Variants in LRRC3B observed in about 807,000 individuals in gnomAD.
The protein encoded by LRRC3B is leucine rich repeat containing 3B.
In LRRC3B, 2 loss-of-function variants were observed where a neutral mutation model predicts 12.8. The ratio of observed to expected loss-of-function variants is 0.16; its 90% CI spans 0.06 to 0.49. The LOEUF is 0.49. Among genes scored for constraint, LRRC3B ranks in the 20% least tolerant of loss-of-function variants. The probability of loss-of-function intolerance (pLI) is 0.96; values close to 1 mark genes in which losing one functional copy is unlikely to be tolerated. For synonymous variants in LRRC3B, 132 were observed against 122.0 expected (o/e 1.08, Z -0.54); for missense variants, 189 against 319.4 (o/e 0.59, Z 3.11).
chr3:26,681,669 G>A (rs769906634), intron 1 of LRRC3B, among the ~76,000 whole-genome samples: 8 of 152,160 alleles, frequency 5.3e-5, no homozygotes, highest in Non-Finnish European at 1.0e-4. Context: ...CCGAATAAAT[G>A]TCAGCCACTA....
At position 26,671,360 on chromosome 3, in the gene LRRC3B, A is replaced by ATATATATATATATG. The variant is rs1699730727; in HGVS notation, c.-160-38140_-160-38139insGTATATATATATAT. 6.1e-5 allele frequency among the ~76,000 whole-genome samples: 4 copies of ATATATATATATATG among 66,064 alleles called. 1 individual carries two copies. The highest frequency in any genetic ancestry group is 3.9e-4 in the African/African-American group (4 of 10,214). The allele number at this position is 66,064 out of a possible 152,430, so 43.3% of individuals were successfully genotyped here. A position where few individuals can be genotyped will look rare whatever the true frequency, so the allele number is the denominator to read the frequency against. On this transcript the variant is annotated intron_variant, in intron 1 of 1. Transcript: ENST00000396641. ...TGTGTATATATGTGTGTATATATAT[A>ATATATATATATATG]TATATATATATATAGAGAGAGAGAG...
chr3:26,668,664 GC>G (rs1699658045), intron 1 of LRRC3B, among the ~76,000 whole-genome samples: 1 of 151,994 alleles, frequency 6.6e-6, no homozygotes, highest in Admixed American at 6.6e-5. Context: ...TTTTTGCTTT[GC>G]TTTTTTGTTG....
At chr3:26,710,603 C>A in exon 2 of LRRC3B, 2 of 746,804 alleles carry the variant, frequency 2.7e-6, no homozygotes, top group Admixed American at 3.2e-5. Context: ...TTAACAAACA[C>A]TACAACATAA....
chr3:26,670,869 A>G (rs925374048), intron 1 of LRRC3B, among the ~76,000 whole-genome samples: 2 of 152,166 alleles, frequency 1.3e-5, no homozygotes, highest in African/African-American at 2.4e-5. Flanking sequence ...TAATGGTTTT[A>G]TTATCATATA....
intron 1 of LRRC3B, among the ~76,000 whole-genome samples, chr3:26,699,372 G>A (rs952844959): frequency 1.3e-5 from 2 of 152,076 alleles, no homozygotes; most frequent in Non-Finnish European, 2.9e-5. Flanking sequence ...AGACCAATGA[G>A]GTGGATATTA....
At chr3:26,637,386 C>A (rs987259755) in intron 1 of LRRC3B, among the ~76,000 whole-genome samples, 28 of 152,262 alleles carry the variant, frequency 1.8e-4, no homozygotes, top group African/African-American at 6.0e-4. Context: ...ACCTCAAATT[C>A]ACCGTCAACT....
At chr3:26,707,471 G>A (rs557890841) in intron 1 of LRRC3B, among the ~76,000 whole-genome samples, 2 of 152,086 alleles carry the variant, frequency 1.3e-5, no homozygotes, top group African/African-American at 4.8e-5. Context: ...GCAGAAACAA[G>A]CCTCTGCTGT....
chr3:26,694,784 T>G (rs1700268282), intron 1 of LRRC3B: 1 of 152,198 alleles, frequency 6.6e-6, no homozygotes, highest in Non-Finnish European at 1.5e-5. Context: ...GAAGAGGCAC[T>G]ATGTCTCATA....
intron 1 of LRRC3B, among the ~76,000 whole-genome samples, chr3:26,684,704 C>G (rs372332739): frequency 6.6e-6 from 1 of 152,226 alleles, no homozygotes; most frequent in African/African-American, 2.4e-5. Context: ...CCCTCATAGC[C>G]TAATCACCTC....
At chr3:26,680,476 C>T (rs1405646913) in intron 1 of LRRC3B, among the ~76,000 whole-genome samples, 2 of 152,188 alleles carry the variant, frequency 1.3e-5, no homozygotes, top group Non-Finnish European at 2.9e-5. Flanking sequence ...CTGTAAATTT[C>T]CCCAAGGTGT....
chr3:26,642,714 G>A (rs1699056357), intron 1 of LRRC3B, among the ~76,000 whole-genome samples: 1 of 152,098 alleles, frequency 6.6e-6, no homozygotes. Context: ...CTACACATCA[G>A]CAGGAATTAA....
intron 1 of LRRC3B, among the ~76,000 whole-genome samples, chr3:26,646,419 C>T (rs910161769): frequency 9.9e-5 from 15 of 152,010 alleles, no homozygotes; most frequent in African/African-American, 3.1e-4. Flanking sequence ...CTTGCAACAC[C>T]GATCAAGATC....
In LRRC3B at chr3:26,671,639, C is replaced by T. The variant is rs146367099; in HGVS notation, c.-160-37874C>T. Among the ~76,000 whole-genome samples the T allele has an allele frequency of 4.8e-3, 728 of 151,730 alleles. 6 individuals carry two copies. Among genetic ancestry groups the T allele is most frequent in the African/African-American group, 0.017 (689 of 41,324 alleles). On this transcript the variant is annotated intron_variant, in intron 1 of 1. Transcript: ENST00000396641. ...CCATCTCTTGATCTCATGGTCCGCC[C>T]GCCTTGGCCTCCCAAAGTGCTGGGA...
intron 1 of LRRC3B, among the ~76,000 whole-genome samples, chr3:26,668,866 A>C (rs1358561920): frequency 6.6e-6 from 1 of 152,152 alleles, no homozygotes; most frequent in African/African-American, 2.4e-5. Context: ...TGCCTTCTAT[A>C]AGTCTATTTT....
intron 1 of LRRC3B, among the ~76,000 whole-genome samples, chr3:26,652,158 AG>A (rs1464862604): frequency 1.3e-5 from 2 of 152,208 alleles, no homozygotes; most frequent in Non-Finnish European, 1.5e-5. Flanking sequence ...GAAAAGTCAG[AG>A]GGTTTTTCAA....
At chr3:26,636,863 TCCC>T (rs1272524494) in intron 1 of LRRC3B, among the ~76,000 whole-genome samples, 3 of 92,290 alleles carry the variant, frequency 3.3e-5, no homozygotes, top group Non-Finnish European at 2.0e-5. Context: ...CCTCCCTCCC[TCCC>T]TTCCTTCCTT....
exon 2 of LRRC3B, chr3:26,709,712 A>G: frequency 6.2e-7 from 1 of 1,614,012 alleles, no homozygotes; most frequent in Non-Finnish European, 8.5e-7. Flanking sequence ...TTCCCTCTCC[A>G]TGTGTCTCCT....
At chr3:26,660,900 G>A (rs4973738) in intron 1 of LRRC3B, among the ~76,000 whole-genome samples, 49,438 of 151,920 alleles carry the variant, frequency 0.33, 9,331 homozygotes, top group Middle Eastern at 0.46. Context: ...GGACTGTGGT[G>A]GGAATTATAC....
intron 1 of LRRC3B, among the ~76,000 whole-genome samples, chr3:26,679,420 C>T (rs1030767938): frequency 6.6e-6 from 1 of 152,216 alleles, no homozygotes. Context: ...TAGCTGCAGT[C>T]ACACTCAACT....
Sources: allele counts gnomAD v4.1 joint callset (sites outside exome capture counted in the v4.1 genomes callset), GRCh38; gene constraint gnomAD v4.1.1; transcripts MANE v1.5; gene names NCBI Gene and HGNC (gene_info 2026-07-23, HGNC 2026-07-21).